Variants in TGFB2 observed in about 807,000 individuals in gnomAD.
TGFB2 encodes the protein transforming growth factor beta 2, also known as transforming growth factor beta-2 proprotein.
In TGFB2, 13 loss-of-function variants were observed where a neutral mutation model predicts 42.7. That is an observed-to-expected ratio of 0.30 (90% CI 0.20 to 0.48). TGFB2 has a LOEUF of 0.48. Among genes scored for constraint, TGFB2 ranks in the 20% least tolerant of loss-of-function variants. The pLI, the probability that TGFB2 is intolerant of heterozygous loss-of-function variation, is 0.99. For synonymous variants in TGFB2, 193 were observed against 193.6 expected (o/e 1.00, Z 0.03); for missense variants, 390 against 517.5 (o/e 0.75, Z 2.39).
chr1:218,422,716 G>A (rs1659498077), intron 2 of TGFB2, among the ~76,000 whole-genome samples: 1 of 152,102 alleles, frequency 6.6e-6, no homozygotes, highest in Non-Finnish European at 1.5e-5. Flanking sequence ...ATCGTTTTAA[G>A]TTTTTGTTGA....
chr1:218,444,298 T>G lies in TGFB2; in HGVS notation c.*2936T>G, dbSNP rs1660251477. 1 of 152,256 alleles carries G rather than the reference T, an allele frequency of 6.6e-6. No individual in the cohort carries two copies. Among genetic ancestry groups the G allele is most frequent in the Admixed American group, 6.5e-5 (1 of 15,280 alleles). 9.4% of individuals were successfully genotyped at this position (152,256 alleles called of 1,614,324 possible). A position where few individuals can be genotyped will look rare whatever the true frequency, so the allele number is the denominator to read the frequency against. Reference sequence around the variant, plus strand: ...ACCAGAAAAAATGCAGAGAGATGTTTGCACCATGCTTTGGCTTTCTGGTTC... The same window carrying G: ...ACCAGAAAAAATGCAGAGAGATGTTGGCACCATGCTTTGGCTTTCTGGTTC... On this transcript the variant is annotated 3_prime_UTR_variant, in exon 7 of 7. Coordinates refer to ENST00000366930, the MANE Select transcript of TGFB2 (RefSeq NM_003238.6).
At chr1:218,367,140 T>G (rs888395447) in intron 1 of TGFB2, among the ~76,000 whole-genome samples, 2 of 151,926 alleles carry the variant, frequency 1.3e-5, no homozygotes, top group East Asian at 1.9e-4. Context: ...AACGGTGGAG[T>G]GGGGAAGGGA....
intron 1 of TGFB2, chr1:218,363,562 A>G: frequency 1.3e-6 from 1 of 747,988 alleles, no homozygotes; most frequent in Non-Finnish European, 2.2e-6. Flanking sequence ...AAAGGTGCCT[A>G]GAATTTTTTT....
chr1:218,410,277 G>A (rs1263830781), intron 2 of TGFB2, among the ~76,000 whole-genome samples: 1 of 152,134 alleles, frequency 6.6e-6, no homozygotes, highest in Non-Finnish European at 1.5e-5. Flanking sequence ...TTCTATACAT[G>A]AGTTCAGGGT....
intron 1 of TGFB2, among the ~76,000 whole-genome samples, chr1:218,355,451 C>T (rs1219159120): frequency 6.6e-6 from 1 of 152,212 alleles, no homozygotes; most frequent in Non-Finnish European, 1.5e-5. Context: ...CTACTCCAGG[C>T]CTGTGGCAGT....
intron 2 of TGFB2, among the ~76,000 whole-genome samples, chr1:218,413,100 G>A (rs748482352): frequency 5.9e-5 from 9 of 152,190 alleles, no homozygotes; most frequent in Non-Finnish European, 1.2e-4. Flanking sequence ...GGCTGGGCGC[G>A]GTGGCTCACA....
At chr1:218,376,035 C>G (rs1657730334) in intron 1 of TGFB2, among the ~76,000 whole-genome samples, 1 of 152,138 alleles carries the variant, frequency 6.6e-6, no homozygotes, top group Admixed American at 6.5e-5. Context: ...TGAGGAGTTA[C>G]TAATAAATGG....
chr1:218,367,185 A>G (rs184392820), intron 1 of TGFB2, among the ~76,000 whole-genome samples: 3 of 152,298 alleles, frequency 2.0e-5, no homozygotes, highest in African/African-American at 4.8e-5. Flanking sequence ...TAAGTGACAC[A>G]TACCATGTAT....
chr1:218,443,745 C>A lies in TGFB2; in HGVS notation c.*2383C>A. Reference sequence around the variant, plus strand: ...TTTTAATTTGGGGGTTCTGTAAGGTCTTTATTTCCCATAAGTAAATATTGC... The same window carrying A: ...TTTTAATTTGGGGGTTCTGTAAGGTATTTATTTCCCATAAGTAAATATTGC... On this transcript the variant is annotated 3_prime_UTR_variant, in exon 7 of 7. Transcript: ENST00000366930. The A allele has an allele frequency of 7.0e-6, 1 of 141,982 alleles. No individual in the cohort carries two copies. The allele number at this position is 141,982 out of a possible 1,614,324, so 8.8% of individuals were successfully genotyped here. A position where few individuals can be genotyped will look rare whatever the true frequency, so the allele number is the denominator to read the frequency against.
intron 1 of TGFB2, chr1:218,363,353 A>C: frequency 6.2e-7 from 1 of 1,614,010 alleles, no homozygotes. Context: ...CAGTTGTTAC[A>C]ACACCCTCTG....
chr1:218,361,276 C>G (rs757096069), intron 1 of TGFB2, among the ~76,000 whole-genome samples: 30 of 152,200 alleles, frequency 2.0e-4, no homozygotes, highest in Non-Finnish European at 4.0e-4. Context: ...CCAGAGCTCC[C>G]TGTCCTCCTG....
At chr1:218,348,210 C>A in intron 1 of TGFB2, among the ~76,000 whole-genome samples, 1 of 152,104 alleles carries the variant, frequency 6.6e-6, no homozygotes, top group East Asian at 1.9e-4. Context: ...TATTCCAAAT[C>A]CCAAGTCATA....
At chr1:218,414,588 G>A (rs982431389) in intron 2 of TGFB2, among the ~76,000 whole-genome samples, 9 of 151,944 alleles carry the variant, frequency 5.9e-5, no homozygotes, top group African/African-American at 1.9e-4. Context: ...ATCAAATGGC[G>A]TGCTTGCCTC....
intron 2 of TGFB2, among the ~76,000 whole-genome samples, chr1:218,413,555 T>C (rs973492023): frequency 1.3e-5 from 2 of 152,214 alleles, no homozygotes; most frequent in African/African-American, 4.8e-5. Context: ...GGGACCCCTC[T>C]CTCTACAGAA....
intron 2 of TGFB2, among the ~76,000 whole-genome samples, chr1:218,413,321 C>T (rs1297065222): frequency 2.7e-5 from 4 of 150,642 alleles, no homozygotes; most frequent in South Asian, 2.1e-4. Flanking sequence ...TGCAGTGAGC[C>T]GAGATCACAC....
chr1:218,420,239 A>C (rs1659412796), intron 2 of TGFB2, among the ~76,000 whole-genome samples: 1 of 152,218 alleles, frequency 6.6e-6, no homozygotes, highest in South Asian at 2.1e-4. Context: ...GTACAGCCTC[A>C]AAGACTGTAG....
At chr1:218,358,715 A>AT (rs1001006937) in intron 1 of TGFB2, among the ~76,000 whole-genome samples, 3 of 151,458 alleles carry the variant, frequency 2.0e-5, no homozygotes, top group Non-Finnish European at 2.9e-5. Context: ...TGCCCAGCTA[A>AT]TTTTTTTTAG....
chr1:218,366,369 T>A (rs1398284629), intron 1 of TGFB2, among the ~76,000 whole-genome samples: 5 of 152,122 alleles, frequency 3.3e-5, no homozygotes, highest in African/African-American at 9.7e-5. Context: ...TGTGGTAGCA[T>A]GATCATAGCT....
chr1:218,355,726 A>T (rs1657011360), intron 1 of TGFB2, among the ~76,000 whole-genome samples: 1 of 152,226 alleles, frequency 6.6e-6, no homozygotes, highest in Non-Finnish European at 1.5e-5. Flanking sequence ...CCTTCTTTCC[A>T]CAGCAGCTAT....
Sources: allele counts gnomAD v4.1 joint callset (sites outside exome capture counted in the v4.1 genomes callset), GRCh38; gene constraint gnomAD v4.1.1; transcripts MANE v1.5; gene names NCBI Gene and HGNC (gene_info 2026-07-23, HGNC 2026-07-21).